NLGN1: variants seen among roughly 807,000 people sequenced by gnomAD.
NLGN1 encodes the protein neuroligin 1.
In NLGN1, 12 loss-of-function variants were observed where a neutral mutation model predicts 65.5. The ratio of observed to expected loss-of-function variants is 0.18; its 90% CI spans 0.12 to 0.30. The LOEUF (loss-of-function observed/expected upper bound fraction) is 0.30. NLGN1 is among the 10% of genes least tolerant of loss of function. The probability of loss-of-function intolerance (pLI) is 1.00; values close to 1 mark genes in which losing one functional copy is unlikely to be tolerated. For missense variants in NLGN1, 750 were observed against 1,007.1 expected, an observed-to-expected ratio of 0.74 and a Z score of 3.46; for synonymous variants, 350 against 359.5, an observed-to-expected ratio of 0.97 and a Z score of 0.30.
intron 3 of NLGN1, among the ~76,000 whole-genome samples, chr3:173,686,932 G>A (rs998992044): frequency 6.6e-6 from 1 of 151,744 alleles, no homozygotes; most frequent in Non-Finnish European, 1.5e-5. Flanking sequence ...CAGCCCAGGT[G>A]ACAGAGCAAG....
chr3:173,661,479 T>G (rs1560123432), intron 3 of NLGN1, among the ~76,000 whole-genome samples: 1 of 152,096 alleles, frequency 6.6e-6, no homozygotes, highest in East Asian at 1.9e-4. Flanking sequence ...CAAATTGTGG[T>G]AAAGGTACCT....
At chr3:173,627,886 G>GA (rs1419581905) in intron 3 of NLGN1, among the ~76,000 whole-genome samples, 1 of 150,564 alleles carries the variant, frequency 6.6e-6, no homozygotes, top group Non-Finnish European at 1.5e-5. Flanking sequence ...AGCTATTCCT[G>GA]AAAATCTGTG....
chr3:174,179,326 T>C (rs1729970718), intron 4 of NLGN1, among the ~76,000 whole-genome samples: 1 of 152,028 alleles, frequency 6.6e-6, no homozygotes, highest in Non-Finnish European at 1.5e-5. Context: ...ATGTAAGTAG[T>C]TGAAGAAAAG....
rs146407272 is a variant in NLGN1 at position 174,121,615 on chromosome 3, G to C, written c.647-153700G>C. Reference sequence around the variant, plus strand: ...AATAATATTTGCTCCATAGCTATGGGCATACAATTTCATTTGGAATAGATT... The same window carrying C: ...AATAATATTTGCTCCATAGCTATGGCCATACAATTTCATTTGGAATAGATT... On this transcript the variant is annotated intron_variant, in intron 4 of 6. Transcript: ENST00000457714. 5.4e-3 allele frequency among the ~76,000 whole-genome samples: 818 copies of C among 152,222 alleles called. 3 individuals carry two copies. Among genetic ancestry groups the C allele is most frequent in the Non-Finnish European group, 9.6e-3 (655 of 68,008 alleles).
chr3:173,847,610 A>T (rs137983228), intron 4 of NLGN1, among the ~76,000 whole-genome samples: 2,005 of 152,278 alleles, frequency 0.013, 18 homozygotes, highest in Non-Finnish European at 0.02. Flanking sequence ...ATATTTTAAA[A>T]TGTATTGTAT....
At chr3:174,082,728 CT>C (rs889097977) in intron 4 of NLGN1, among the ~76,000 whole-genome samples, 2 of 150,486 alleles carry the variant, frequency 1.3e-5, no homozygotes, top group Admixed American at 6.6e-5. Context: ...TCATTTTTTT[CT>C]TTTTTTTTGA....
intron 3 of NLGN1, among the ~76,000 whole-genome samples, chr3:173,796,630 A>C (rs1714138400): frequency 6.6e-6 from 1 of 152,084 alleles, no homozygotes; most frequent in Admixed American, 6.6e-5. Context: ...TTCCTCAGGG[A>C]GGACAGACCC....
intron 4 of NLGN1, among the ~76,000 whole-genome samples, chr3:174,116,049 C>T (rs2152630807): frequency 6.6e-6 from 1 of 152,240 alleles, no homozygotes; most frequent in Non-Finnish European, 1.5e-5. Flanking sequence ...CTGGGAAGTC[C>T]ATTACAACAA....
chr3:173,971,326 A>G (rs1037286795), intron 4 of NLGN1, among the ~76,000 whole-genome samples: 6 of 152,094 alleles, frequency 3.9e-5, no homozygotes, highest in South Asian at 4.1e-4. Context: ...GTCACTGTCA[A>G]TGTTCAGAGA....
chr3:173,858,379 G>A (rs1027457340), intron 4 of NLGN1, among the ~76,000 whole-genome samples: 1 of 151,964 alleles, frequency 6.6e-6, no homozygotes, highest in South Asian at 2.1e-4. Context: ...TCTCTTCTAG[G>A]ATGTTTAATT....
chr3:173,721,003 T>A (rs1053763530), intron 3 of NLGN1, among the ~76,000 whole-genome samples: 3 of 152,224 alleles, frequency 2.0e-5, no homozygotes, highest in African/African-American at 7.2e-5. Flanking sequence ...AGGTAGAAGC[T>A]TTTAGGCAGA....
intron 3 of NLGN1, among the ~76,000 whole-genome samples, chr3:173,686,779 C>G (rs1764740046): frequency 6.6e-6 from 1 of 151,984 alleles, no homozygotes; most frequent in South Asian, 2.1e-4. Context: ...ATGGTGAAAC[C>G]CCATCTCTAC....
intron 4 of NLGN1, among the ~76,000 whole-genome samples, chr3:174,207,040 G>A (rs1331851278): frequency 6.6e-6 from 1 of 151,958 alleles, no homozygotes; most frequent in Admixed American, 6.6e-5. Context: ...AAACAACCCC[G>A]CCCAGCCACA....
intron 2 of NLGN1, among the ~76,000 whole-genome samples, chr3:173,567,458 A>G (rs1743871547): frequency 6.6e-6 from 1 of 152,002 alleles, no homozygotes; most frequent in Admixed American, 6.5e-5. Context: ...AGGAATATAT[A>G]CACTCATTCA....
intron 2 of NLGN1, among the ~76,000 whole-genome samples, chr3:173,474,724 C>A (rs542293658): frequency 9.7e-4 from 148 of 152,166 alleles, no homozygotes; most frequent in Non-Finnish European, 1.6e-3. Flanking sequence ...CTTTGGGAGG[C>A]CGAGGTGGGT....
intron 2 of NLGN1, among the ~76,000 whole-genome samples, chr3:173,474,293 A>G (rs1313216433): frequency 6.6e-6 from 1 of 152,190 alleles, no homozygotes; most frequent in African/African-American, 2.4e-5. Context: ...TCTCCTTCTT[A>G]GAACTGAGAA....
chr3:173,862,563 T>C (rs1729358744), intron 4 of NLGN1, among the ~76,000 whole-genome samples: 1 of 146,350 alleles, frequency 6.8e-6, no homozygotes, highest in African/African-American at 2.5e-5. Context: ...TAATTATGTA[T>C]ATTATAGATT....
intron 4 of NLGN1, among the ~76,000 whole-genome samples, chr3:174,254,474 G>C (rs945937042): frequency 6.6e-6 from 1 of 151,770 alleles, no homozygotes; most frequent in East Asian, 1.9e-4. Context: ...CTCTCTACCT[G>C]TGTTTCTAGA....
At chr3:173,524,925 A>G (rs73043581) in intron 2 of NLGN1, among the ~76,000 whole-genome samples, 5,396 of 152,160 alleles carry the variant, frequency 0.035, 315 homozygotes, top group African/African-American at 0.12. Flanking sequence ...CCTGCCCCCA[A>G]TCATGATGAA....
Sources: allele counts gnomAD v4.1 joint callset (sites outside exome capture counted in the v4.1 genomes callset), GRCh38; gene constraint gnomAD v4.1.1; transcripts MANE v1.5; gene names NCBI Gene and HGNC (gene_info 2026-07-23, HGNC 2026-07-21).